Variants in DSCAML1 observed in about 807,000 individuals in gnomAD.
The protein encoded by DSCAML1 is DS cell adhesion molecule like 1, also known as cell adhesion molecule DSCAML1.
DSCAML1 carries 38 observed loss-of-function variants against 200.5 expected under a neutral mutation model. The observed-to-expected ratio is 0.19, with a 90% CI of 0.15 to 0.25. DSCAML1 has a LOEUF of 0.25. Among genes scored for constraint, DSCAML1 ranks in the 10% least tolerant of loss-of-function variants. DSCAML1 has a pLI of 1.00. For missense variants in DSCAML1, 2,223 were observed against 2,858.8 expected (o/e 0.78, Z 5.07); for synonymous variants, 1,215 against 1,165.0 (o/e 1.04, Z -0.87).
intron 20 of DSCAML1, among the ~76,000 whole-genome samples, chr11:117,449,075 T>C (rs536334084): frequency 6.6e-6 from 1 of 152,220 alleles, no homozygotes; most frequent in East Asian, 1.9e-4. Context: ...GCGAATGAAA[T>C]TCAGGAATTC....
chr11:117,685,907 A>G (rs1404961357), intron 3 of DSCAML1, among the ~76,000 whole-genome samples: 1 of 152,158 alleles, frequency 6.6e-6, no homozygotes, highest in Admixed American at 6.5e-5. Flanking sequence ...GCTGCATTTG[A>G]GGCTCATTTT....
chr11:117,496,253 G>A (rs1216340511), intron 11 of DSCAML1, among the ~76,000 whole-genome samples: 3 of 152,204 alleles, frequency 2.0e-5, no homozygotes, highest in African/African-American at 7.2e-5. Flanking sequence ...GGCAGGGAGG[G>A]TGCTTCAATC....
intron 3 of DSCAML1, among the ~76,000 whole-genome samples, chr11:117,705,809 G>T (rs1454154143): frequency 6.6e-6 from 1 of 152,216 alleles, no homozygotes; most frequent in Non-Finnish European, 1.5e-5. Context: ...AAGGCCAGAA[G>T]TGTGCTAGGC....
At chr11:117,697,415 T>C (rs949853801) in intron 3 of DSCAML1, among the ~76,000 whole-genome samples, 5 of 150,140 alleles carry the variant, frequency 3.3e-5, no homozygotes, top group Admixed American at 6.6e-5. Context: ...TGACTTTTTT[T>C]CCACATTTTT....
chr11:117,734,152 G>A (rs1213488805), intron 3 of DSCAML1, among the ~76,000 whole-genome samples: 1 of 152,194 alleles, frequency 6.6e-6, no homozygotes, highest in Non-Finnish European at 1.5e-5. Context: ...GGGACTGTCC[G>A]GGGAAGTCAC....
At chr11:117,445,313 G>A (rs2048154727) in intron 20 of DSCAML1, among the ~76,000 whole-genome samples, 1 of 149,860 alleles carries the variant, frequency 6.7e-6, no homozygotes, top group South Asian at 2.1e-4. Context: ...TGGGGGTCTG[G>A]CCTTGAATCC....
intron 20 of DSCAML1, among the ~76,000 whole-genome samples, chr11:117,448,107 C>G (rs1441946586): frequency 6.6e-6 from 1 of 152,206 alleles, no homozygotes; most frequent in Non-Finnish European, 1.5e-5. Flanking sequence ...ATGTCTCCAT[C>G]AGCAGGAGGA....
intron 3 of DSCAML1, among the ~76,000 whole-genome samples, chr11:117,720,819 C>T (rs2054030489): frequency 6.6e-6 from 1 of 152,226 alleles, no homozygotes; most frequent in Non-Finnish European, 1.5e-5. Context: ...GTACCTGACA[C>T]ATAATAAGTG....
Position 117,471,866 on chromosome 11 carries a change from C to A in DSCAML1, c.2953+3G>T. 1 of 1,527,474 alleles carries A rather than the reference C, an allele frequency of 6.5e-7. No individual in the cohort carries two copies. Among genetic ancestry groups the A allele is most frequent in the Non-Finnish European group, 8.8e-7 (1 of 1,133,672 alleles). 94.6% of individuals were successfully genotyped at this position (1,527,474 alleles called of 1,614,324 possible). On this transcript the variant is annotated splice_donor_region_variant and intron_variant, in intron 15 of 32. Transcript: ENST00000651296. Reference sequence around the variant, plus strand: ...GGCAGGGCAGGCTGGGTGAGGTGCTCACCGGCCTCCTCAGTGCTGATGGTG... The same window carrying A: ...GGCAGGGCAGGCTGGGTGAGGTGCTAACCGGCCTCCTCAGTGCTGATGGTG...
intron 12 of DSCAML1, among the ~76,000 whole-genome samples, chr11:117,481,508 A>G (rs1451700696): frequency 4.6e-4 from 43 of 93,964 alleles, no homozygotes; most frequent in African/African-American, 1.7e-3. Flanking sequence ...GAGGAGTCCT[A>G]GGGGAGTGGG....
At chr11:117,723,315 T>A (rs1301056939) in intron 3 of DSCAML1, among the ~76,000 whole-genome samples, 1 of 152,210 alleles carries the variant, frequency 6.6e-6, no homozygotes, top group African/African-American at 2.4e-5. Context: ...TATTTCCAGA[T>A]ATGTTCTTCC....
intron 5 of DSCAML1, among the ~76,000 whole-genome samples, chr11:117,522,094 A>C (rs1232506012): frequency 6.6e-6 from 1 of 152,236 alleles, no homozygotes; most frequent in Non-Finnish European, 1.5e-5. Flanking sequence ...TCTTTAGAGC[A>C]CCAGCAACCT....
intron 3 of DSCAML1, among the ~76,000 whole-genome samples, chr11:117,708,902 G>A (rs533255141): frequency 1.3e-5 from 2 of 152,330 alleles, no homozygotes; most frequent in African/African-American, 2.4e-5. Flanking sequence ...ATCATCTCAA[G>A]TTCATTTAAG....
intron 3 of DSCAML1, among the ~76,000 whole-genome samples, chr11:117,769,156 T>C (rs1591489260): frequency 2.7e-5 from 1 of 37,500 alleles, no homozygotes; most frequent in Non-Finnish European, 5.4e-5. Context: ...ATATATTTTA[T>C]ATATATTATA....
At chr11:117,467,820 A>G (rs1199211555) in intron 16 of DSCAML1, among the ~76,000 whole-genome samples, 1 of 152,192 alleles carries the variant, frequency 6.6e-6, no homozygotes, top group Non-Finnish European at 1.5e-5. Flanking sequence ...CAAGAGCCTG[A>G]GACCTTCCTC....
intron 1 of DSCAML1, among the ~76,000 whole-genome samples, chr11:117,809,886 C>T (rs1417363332): frequency 2.0e-5 from 3 of 150,688 alleles, no homozygotes; most frequent in Non-Finnish European, 4.4e-5. Flanking sequence ...TACTCTTACA[C>T]ACACACACCC....
At chr11:117,598,105 A>C (rs1381790999) in intron 3 of DSCAML1, among the ~76,000 whole-genome samples, 1 of 152,216 alleles carries the variant, frequency 6.6e-6, no homozygotes, top group African/African-American at 2.4e-5. Context: ...CTTACAAAAG[A>C]AAGCAGAACA....
intron 3 of DSCAML1, among the ~76,000 whole-genome samples, chr11:117,533,879 AGAG>A (rs977746562): frequency 6.6e-6 from 1 of 152,212 alleles, no homozygotes; most frequent in African/African-American, 2.4e-5. Context: ...ACTGAGATGG[AGAG>A]GAGAACACTG....
At chr11:117,788,570 G>A (rs929129235) in intron 1 of DSCAML1, among the ~76,000 whole-genome samples, 2 of 152,076 alleles carry the variant, frequency 1.3e-5, no homozygotes, top group African/African-American at 4.8e-5. Context: ...CAAGTGATCC[G>A]CCTGCCTCGG....
Sources: allele counts gnomAD v4.1 joint callset (sites outside exome capture counted in the v4.1 genomes callset), GRCh38; gene constraint gnomAD v4.1.1; transcripts MANE v1.5; gene names NCBI Gene and HGNC (gene_info 2026-07-23, HGNC 2026-07-21).